GABRG3: variants seen among roughly 807,000 people sequenced by gnomAD.
GABRG3 encodes gamma-aminobutyric acid type A receptor subunit gamma3, also known as gamma-aminobutyric acid receptor subunit gamma-3.
A neutral mutation model predicts 48.8 loss-of-function variants in GABRG3; 25 were observed. The observed-to-expected ratio is 0.51, with a 90% CI of 0.37 to 0.72. The LOEUF is 0.72. Among genes scored for constraint, GABRG3 ranks in the 30% least tolerant of loss-of-function variants. The pLI is 0.00. For missense variants in GABRG3, 394 were observed against 577.9 expected, an observed-to-expected ratio of 0.68 and a Z score of 3.26; for synonymous variants, 227 against 217.6, an observed-to-expected ratio of 1.04 and a Z score of -0.38.
intron 2 of GABRG3, among the ~76,000 whole-genome samples, chr15:26,991,400 T>G (rs1337800800): frequency 1.3e-5 from 2 of 152,200 alleles, no homozygotes; most frequent in African/African-American, 4.8e-5. Context: ...TTGACTATTT[T>G]GGGTCTTCTG....
intron 5 of GABRG3, among the ~76,000 whole-genome samples, chr15:27,476,172 G>A (rs2150842706): frequency 6.6e-6 from 1 of 152,242 alleles, no homozygotes; most frequent in African/African-American, 2.4e-5. Context: ...AGAAACAACA[G>A]AAATAGGGAC....
chr15:26,971,780 CT>C (rs1198673302), intron 1 of GABRG3, among the ~76,000 whole-genome samples, 192 bp downstream of exon 1: 1 of 152,198 alleles, frequency 6.6e-6, no homozygotes, highest in Non-Finnish European at 1.5e-5. Context: ...CTGCTTTTTC[CT>C]CTGCAGCCGG....
intron 4 of GABRG3, among the ~76,000 whole-genome samples, chr15:27,327,369 A>C (rs28478741): frequency 0.1 from 15,236 of 152,224 alleles, 1,883 homozygotes; most frequent in African/African-American, 0.29. Context: ...AGTAAATCTG[A>C]GACCACAAGG....
At chr15:27,197,359 T>C (rs1888526844) in intron 3 of GABRG3, among the ~76,000 whole-genome samples, 1 of 152,174 alleles carries the variant, frequency 6.6e-6, no homozygotes, top group Non-Finnish European at 1.5e-5. Context: ...CTTGCCTTTT[T>C]GATCCATTAT....
At chr15:27,452,806 G>A (rs1889148776) in intron 5 of GABRG3, among the ~76,000 whole-genome samples, 1 of 152,138 alleles carries the variant, frequency 6.6e-6, no homozygotes, top group African/African-American at 2.4e-5. Context: ...ATATCCAAAG[G>A]CAGTGCAATC....
At chr15:27,439,914 G>A (rs765491435) in intron 5 of GABRG3, among the ~76,000 whole-genome samples, 6 of 152,130 alleles carry the variant, frequency 3.9e-5, no homozygotes, top group Non-Finnish European at 7.4e-5. Context: ...AGACCTTATT[G>A]CGTTCCCATG....
intron 3 of GABRG3, among the ~76,000 whole-genome samples, chr15:27,253,988 C>G (rs1293397516): frequency 1.3e-5 from 2 of 152,166 alleles, no homozygotes; most frequent in African/African-American, 4.8e-5. Flanking sequence ...CATTTCTTCC[C>G]CATAACGAAA....
rs1891605935 is a variant in GABRG3 at position 27,538,876 on chromosome 15, T to C, written c.*5995T>C. On this transcript the variant is annotated 3_prime_UTR_variant, in exon 10 of 10. Coordinates refer to ENST00000615808, the MANE Select transcript of GABRG3 (RefSeq NM_033223.5). ...TGTGTATGTACCCAACACATCCAATTTGTATTTTCTTAAATATGTGTTTCT... is the reference window on the plus strand; with the variant it reads ...TGTGTATGTACCCAACACATCCAATCTGTATTTTCTTAAATATGTGTTTCT... 6.6e-6 allele frequency: 1 copy of C among 152,186 alleles called. No individual in the cohort carries two copies. Among genetic ancestry groups the C allele is most frequent in the Non-Finnish European group, 1.5e-5 (1 of 68,030 alleles). 9.4% of individuals were successfully genotyped at this position (152,186 alleles called of 1,614,324 possible).
At chr15:27,166,935 T>C (rs1384913532) in intron 3 of GABRG3, among the ~76,000 whole-genome samples, 2 of 152,140 alleles carry the variant, frequency 1.3e-5, no homozygotes, top group Non-Finnish European at 2.9e-5. Flanking sequence ...AGACTCTTTA[T>C]TGAAAACCGA....
At chr15:27,423,242 T>TAAAAA (rs58007397) in intron 5 of GABRG3, among the ~76,000 whole-genome samples, 7 of 74,700 alleles carry the variant, frequency 9.4e-5, no homozygotes, top group Admixed American at 3.3e-4. Flanking sequence ...GTCATTATGA[T>TAAAAA]AAAAAAAAAA....
At chr15:27,120,425 G>T (rs1265057364) in intron 3 of GABRG3, among the ~76,000 whole-genome samples, 1 of 152,156 alleles carries the variant, frequency 6.6e-6, no homozygotes, top group Admixed American at 6.5e-5. Context: ...TGGTCTATGT[G>T]TGATGTTACT....
At position 26,974,199 on chromosome 15, in the gene GABRG3, C is replaced by G. The variant is rs1055864103; in HGVS notation, c.53+2611C>G. Among the ~76,000 whole-genome samples the G allele has an allele frequency of 1.1e-4, 16 of 152,232 alleles. No homozygotes were observed. The highest frequency in any genetic ancestry group is 3.9e-4 in the African/African-American group (16 of 41,538). ...CACAGCTGGGGCCCTGATATGCCTC[C>G]CAAAGGGGTGGAAGAGAACGTTCCT... On this transcript the variant is annotated intron_variant, in intron 1 of 9. Coordinates refer to ENST00000615808, the MANE Select transcript of GABRG3 (RefSeq NM_033223.5). The surrounding 1 kb of genome is among the most constrained non-coding windows in gnomAD (Gnocchi z 4.3).
intron 5 of GABRG3, among the ~76,000 whole-genome samples, chr15:27,440,115 C>T (rs1888738684): frequency 6.6e-6 from 1 of 152,196 alleles, no homozygotes; most frequent in African/African-American, 2.4e-5. Flanking sequence ...CTGATCTTTA[C>T]AGGCACCGGC....
At chr15:27,044,336 G>C (rs2140702694) in intron 3 of GABRG3, among the ~76,000 whole-genome samples, 1 of 152,184 alleles carries the variant, frequency 6.6e-6, no homozygotes, top group East Asian at 1.9e-4. Context: ...GGTGATTTCT[G>C]TTCTTGCCCT....
chr15:27,248,803 C>CACACACACACACAG (rs1377080195), intron 3 of GABRG3, among the ~76,000 whole-genome samples: 1 of 110,176 alleles, frequency 9.1e-6, no homozygotes, highest in African/African-American at 3.9e-5. Context: ...CACACACACA[C>CACACACACACACAG]AGAGAGAGAG....
intron 2 of GABRG3, among the ~76,000 whole-genome samples, chr15:27,019,900 T>C (rs1895856796): frequency 6.6e-6 from 1 of 152,188 alleles, no homozygotes; most frequent in South Asian, 2.1e-4. Flanking sequence ...CATGAAAACA[T>C]AGAAACTTAA....
In GABRG3 at chr15:27,043,632, ACT is replaced by A. The variant is rs1408272298; in HGVS notation, c.270+16813_270+16814del. Among the ~76,000 whole-genome samples the A allele has an allele frequency of 7.2e-5, 11 of 152,220 alleles. No homozygotes were observed. In the South Asian group the frequency reaches 2.1e-3, roughly 29 times the overall value. On this transcript the variant is annotated intron_variant, in intron 3 of 9. Transcript: ENST00000615808. The stretch of plus-strand genomic sequence containing the variant: ...CCTCCTCTGCTCAGCTCGCTGGAAC[ACT>A]CATTCTATCTCATGGAATGAGGCAT...
chr15:27,062,561 T>C (rs879295612), intron 3 of GABRG3, among the ~76,000 whole-genome samples: 3 of 151,706 alleles, frequency 2.0e-5, no homozygotes, highest in Non-Finnish European at 2.9e-5. Flanking sequence ...TGAGCTAAGA[T>C]CCTGCCATTA....
chr15:27,131,400 C>CT (rs1897914233), intron 3 of GABRG3, among the ~76,000 whole-genome samples: 1 of 151,840 alleles, frequency 6.6e-6, no homozygotes, highest in African/African-American at 2.4e-5. Flanking sequence ...TTTTCATGCT[C>CT]TATGGTCCTT....
Sources: gnomAD v4.1 joint callset for allele counts (sites outside exome capture counted in the v4.1 genomes callset) on GRCh38, gnomAD v4.1.1 for gene constraint, Gnocchi (gnomAD v3.1) non-coding constraint, MANE v1.5 for transcripts, NCBI Gene and HGNC (gene_info 2026-07-23, HGNC 2026-07-21) for gene names.